FANCC: variants seen among roughly 807,000 people sequenced by gnomAD.
The protein encoded by FANCC is Fanconi anemia group C protein.
Under a neutral mutation model 71.3 loss-of-function variants are expected in FANCC, and 55 were observed. The observed-to-expected ratio is 0.77, with a 90% CI of 0.62 to 0.97. The LOEUF (loss-of-function observed/expected upper bound fraction) is 0.97, where lower values mean the gene tolerates loss of function less well. Ranked by LOEUF, FANCC falls within the 50% of genes least tolerant of loss-of-function variation. The pLI is 0.00. For missense variants in FANCC, 678 were observed against 670.9 expected, an observed-to-expected ratio of 1.01 and a Z score of -0.12; for synonymous variants, 275 against 244.9, an observed-to-expected ratio of 1.12 and a Z score of -1.15.
intron 7 of FANCC, among the ~76,000 whole-genome samples, chr9:95,147,308 G>A (rs1396162758): frequency 1.3e-5 from 2 of 152,044 alleles, no homozygotes; most frequent in Admixed American, 6.6e-5. Flanking sequence ...ACCTGAGGTC[G>A]GGATTTCGAG....
chr9:95,253,785 G>C (rs1434312588), intron 1 of FANCC, among the ~76,000 whole-genome samples: 8 of 150,498 alleles, frequency 5.3e-5, no homozygotes, highest in Non-Finnish European at 1.2e-4. Flanking sequence ...TTTTTTCATG[G>C]ACCAGGGCGG....
intron 1 of FANCC, among the ~76,000 whole-genome samples, chr9:95,273,444 A>G (rs1484062471): frequency 6.6e-6 from 1 of 152,214 alleles, no homozygotes; most frequent in Non-Finnish European, 1.5e-5. Context: ...AAAGGCTATG[A>G]CCAAAGATCT....
chr9:95,270,913 G>C (rs1456122605), intron 1 of FANCC, among the ~76,000 whole-genome samples: 5 of 152,144 alleles, frequency 3.3e-5, no homozygotes, highest in African/African-American at 1.2e-4. Flanking sequence ...AGAATGTTAG[G>C]TGTAGTGGAG....
chr9:95,277,907 GAATT>G (rs1320548660), intron 1 of FANCC, among the ~76,000 whole-genome samples: 11 of 152,206 alleles, frequency 7.2e-5, no homozygotes, highest in East Asian at 3.9e-4. Flanking sequence ...AAAAAAAAGT[GAATT>G]AATACCAGAA....
At chr9:95,245,571 T>C (rs1588346629) in intron 3 of FANCC, among the ~76,000 whole-genome samples, 1 of 151,578 alleles carries the variant, frequency 6.6e-6, no homozygotes, top group African/African-American at 2.4e-5. Flanking sequence ...TACACTATAT[T>C]GTTACAGTTG....
intron 6 of FANCC, among the ~76,000 whole-genome samples, chr9:95,160,465 G>A (rs1410943405): frequency 6.6e-6 from 1 of 152,182 alleles, no homozygotes; most frequent in Non-Finnish European, 1.5e-5. Context: ...GTAGCATGAT[G>A]CCTCCAGCTT....
At chr9:95,295,315 A>G (rs114376938) in intron 1 of FANCC, among the ~76,000 whole-genome samples, 1,592 of 152,308 alleles carry the variant, frequency 0.01, 30 homozygotes, top group African/African-American at 0.037. Flanking sequence ...TCCAGAATAT[A>G]TTATATAAGG....
At chr9:95,278,343 G>T (rs974724388) in intron 1 of FANCC, among the ~76,000 whole-genome samples, 1 of 152,178 alleles carries the variant, frequency 6.6e-6, no homozygotes, top group Non-Finnish European at 1.5e-5. Context: ...GTCAGTAGAA[G>T]CCATACTCCA....
rs2134922433 is a variant in FANCC, at chr9:95,125,113, T to C, written c.969A>G (p.Val323=). The change falls in exon 10 of 15, where the codon GTA becomes GTG. Residue 323 remains valine (V), a synonymous_variant. Transcript: ENST00000289081. ...GCTTGCTTGCTTTCTCCAGAGCTTC[T>C]ACAAAGCACTGCGTAAACACCTGAA... is the stretch of plus-strand genomic sequence containing the variant. ...ATIQVFTQCF[V]EALEKASKQL... is the part of the protein sequence containing the mutation. The C allele has an allele frequency of 1.2e-6, 2 of 1,614,184 alleles. No individual in the cohort carries two copies. The highest frequency in any genetic ancestry group is 8.5e-7 in the Non-Finnish European group (1 of 1,180,000).
rs2071863542 is a variant in FANCC at position 95,110,914 on chromosome 9, G to C, written c.1329+549C>G. ...CATACTTAGCTGCTCTGTTATTTAG[G>C]AAATGACCAACTTCTTTTTCAGAAG... On this transcript the variant is annotated intron_variant, in intron 13 of 14. Coordinates refer to ENST00000289081, the MANE Select transcript of FANCC (RefSeq NM_000136.3). 3.1e-6 allele frequency: 4 copies of C among 1,309,252 alleles called. No homozygotes were observed. In the Admixed American group the frequency reaches 1.3e-4, roughly 44 times the overall value. The allele number at this position is 1,309,252 out of a possible 1,614,324, so 81.1% of individuals were successfully genotyped here.
At chr9:95,110,362 G>A (rs1185838944) in intron 13 of FANCC, 43 of 1,021,140 alleles carry the variant, frequency 4.2e-5, no homozygotes, top group Middle Eastern at 4.7e-4. Flanking sequence ...ATATAAAAGG[G>A]CTTTAAAAAC....
intron 1 of FANCC, among the ~76,000 whole-genome samples, chr9:95,298,063 A>C (rs1484996495): frequency 6.6e-6 from 1 of 152,154 alleles, no homozygotes; most frequent in African/African-American, 2.4e-5. Context: ...GCAATATAGA[A>C]AATGGACCAC....
intron 1 of FANCC, among the ~76,000 whole-genome samples, chr9:95,287,114 C>T (rs1461755154): frequency 2.6e-5 from 4 of 152,122 alleles, no homozygotes; most frequent in Admixed American, 1.3e-4. Flanking sequence ...TCCCACTATA[C>T]AGGTGTGGAA....
chr9:95,251,558 C>A (rs749410923), intron 1 of FANCC, among the ~76,000 whole-genome samples: 1 of 152,030 alleles, frequency 6.6e-6, no homozygotes, highest in Non-Finnish European at 1.5e-5. Context: ...TCAAGTGATC[C>A]GCCCTCCTCT....
intron 4 of FANCC, among the ~76,000 whole-genome samples, chr9:95,201,767 A>G (rs1275687260): frequency 1.3e-5 from 2 of 152,214 alleles, no homozygotes; most frequent in Non-Finnish European, 2.9e-5. Context: ...TGCGTAAGAA[A>G]CAAACACCAC....
At chr9:95,138,058 A>G (rs1827985989) in intron 7 of FANCC, among the ~76,000 whole-genome samples, 6 of 152,244 alleles carry the variant, frequency 3.9e-5, no homozygotes, top group Admixed American at 3.9e-4. Flanking sequence ...AAAGGCTGAA[A>G]AGCAGTGGCT....
At chr9:95,304,543 A>C (rs1834954996) in intron 1 of FANCC, among the ~76,000 whole-genome samples, 1 of 151,430 alleles carries the variant, frequency 6.6e-6, no homozygotes, top group South Asian at 2.1e-4. Context: ...CCAGGAGTTC[A>C]AGACCAGCTT....
rs572860285 is a variant in FANCC, at chr9:95,230,088, T to C, written c.345+10561A>G. 5.2e-4 allele frequency among the ~76,000 whole-genome samples: 66 copies of C among 127,506 alleles called. 1 individual carries two copies. Among genetic ancestry groups the C allele is most frequent in the Non-Finnish European group, 1.3e-4 (8 of 59,806 alleles). 83.6% of individuals were successfully genotyped at this position (127,506 alleles called of 152,430 possible). ...CTTTAAATGGTTGCTTCCTTAATTA[T>C]TTCAGTAAAAAAAAAATTTTTTTAA... On this transcript the variant is annotated intron_variant, in intron 4 of 14. Transcript: ENST00000289081.
intron 4 of FANCC, among the ~76,000 whole-genome samples, chr9:95,214,216 C>T (rs1314567858): frequency 1.3e-5 from 2 of 152,118 alleles, no homozygotes; most frequent in Admixed American, 1.3e-4. Context: ...CTGCTTAAAG[C>T]CATGAGTTGA....
Sources: gnomAD v4.1 joint callset for allele counts (sites outside exome capture counted in the v4.1 genomes callset) on GRCh38, gnomAD v4.1.1 for gene constraint, MANE v1.5 for transcripts, NCBI Gene and HGNC (gene_info 2026-07-23, HGNC 2026-07-21) for gene names.